The following DPP10 variants were observed in gnomAD, a reference collection of about 807,000 sequenced individuals.
The protein encoded by DPP10 is inactive dipeptidyl peptidase 10.
A neutral mutation model predicts 120.9 loss-of-function variants in DPP10; 33 were observed. The ratio of observed to expected loss-of-function variants is 0.27; its 90% CI spans 0.21 to 0.37. The LOEUF (loss-of-function observed/expected upper bound fraction) is 0.37. DPP10 is among the 10% of genes least tolerant of loss of function. The pLI, the probability that DPP10 is intolerant of heterozygous loss-of-function variation, is 1.00. For missense variants in DPP10, 816 were observed against 942.8 expected, an observed-to-expected ratio of 0.87 and a Z score of 1.76; for synonymous variants, 337 against 326.1, an observed-to-expected ratio of 1.03 and a Z score of -0.36.
chr2:114,570,769 C>A (rs1182068806), intron 1 of DPP10, among the ~76,000 whole-genome samples: 1 of 144,062 alleles, frequency 6.9e-6, no homozygotes, highest in East Asian at 2.1e-4. Context: ...GGAGGCGGAG[C>A]TTGCAGTGAG....
intron 1 of DPP10, among the ~76,000 whole-genome samples, chr2:114,585,699 A>G (rs1002718556): frequency 6.6e-6 from 1 of 152,168 alleles, no homozygotes; most frequent in East Asian, 1.9e-4. Context: ...GGAATCTTCA[A>G]TATTTCAACA....
At chr2:115,732,741 A>T (rs1288700381) in intron 8 of DPP10, among the ~76,000 whole-genome samples, 2 of 152,176 alleles carry the variant, frequency 1.3e-5, no homozygotes. Context: ...ATTTAAGCAT[A>T]TAGAATAATG....
At chr2:115,323,187 A>G (rs2062154777) in intron 2 of DPP10, among the ~76,000 whole-genome samples, 1 of 152,184 alleles carries the variant, frequency 6.6e-6, no homozygotes, top group Non-Finnish European at 1.5e-5. Flanking sequence ...TTTATGTAAT[A>G]TTCGAAATCC....
chr2:115,658,542 G>A (rs542952194), intron 5 of DPP10, among the ~76,000 whole-genome samples: 1 of 151,986 alleles, frequency 6.6e-6, no homozygotes, highest in South Asian at 2.1e-4. Context: ...GTAGGCACTG[G>A]TTGTTATCAA....
intron 1 of DPP10, among the ~76,000 whole-genome samples, chr2:114,493,427 G>A (rs1682177494): frequency 6.6e-6 from 1 of 152,098 alleles, no homozygotes. Flanking sequence ...TGCAGCAGGT[G>A]GCGTCACACA....
intron 19 of DPP10, among the ~76,000 whole-genome samples, chr2:115,792,644 T>C (rs1475762543): frequency 6.6e-6 from 1 of 152,188 alleles, no homozygotes; most frequent in East Asian, 1.9e-4. Flanking sequence ...CTTGTCTTTT[T>C]TACCTAGTTT....
Position 115,842,412 on chromosome 2 carries a change from A to G in DPP10, c.*67A>G, listed in dbSNP as rs1690249349. 18 of 1,532,550 alleles carry G rather than the reference A, an allele frequency of 1.2e-5. No individual in the cohort carries two copies. The East Asian group carries it at 3.7e-4, about 31-fold the overall frequency. The allele number at this position is 1,532,550 out of a possible 1,614,324, so 94.9% of individuals were successfully genotyped here. A position where few individuals can be genotyped will look rare whatever the true frequency, so the allele number is the denominator to read the frequency against. ...AATGAAACCTGACAAAGAGACTGTAATATTGTAGTTGCTCCAGAATGTCAA... is the reference window on the plus strand; with the variant it reads ...AATGAAACCTGACAAAGAGACTGTAGTATTGTAGTTGCTCCAGAATGTCAA... On this transcript the variant is annotated 3_prime_UTR_variant, in exon 26 of 26. Transcript: ENST00000410059.
intron 1 of DPP10, among the ~76,000 whole-genome samples, chr2:114,990,686 C>A (rs57766798): frequency 0.25 from 38,741 of 152,036 alleles, 5,012 homozygotes; most frequent in East Asian, 0.35. Flanking sequence ...TGTGAAGGAA[C>A]CTTGACAGCT....
intron 1 of DPP10, among the ~76,000 whole-genome samples, chr2:114,812,707 C>T (rs569049628): frequency 1.3e-5 from 2 of 151,900 alleles, no homozygotes; most frequent in Non-Finnish European, 2.9e-5. Flanking sequence ...CTTTCACCTC[C>T]ACAGTCTTTT....
intron 5 of DPP10, among the ~76,000 whole-genome samples, chr2:115,600,819 A>G (rs1271222566): frequency 1.3e-5 from 2 of 152,244 alleles, no homozygotes; most frequent in Non-Finnish European, 2.9e-5. Context: ...TTAATAATCT[A>G]TCAGCAGATA....
In DPP10 at chr2:115,530,491, C is replaced by T. The variant is rs1407865162; in HGVS notation, c.441+4519C>T. On this transcript the variant is annotated intron_variant, in intron 5 of 25. Transcript: ENST00000410059. ...AAACAGGAGTTTGAGACCAGCCTGG[C>T]CAACATGGTGAAATGCCATCTCCAC... 2.6e-5 allele frequency among the ~76,000 whole-genome samples: 4 copies of T among 151,900 alleles called. No individual in the cohort carries two copies. In the East Asian group the frequency reaches 5.8e-4, roughly 22 times the overall value.
At chr2:114,716,737 A>G (rs1227495583) in intron 1 of DPP10, among the ~76,000 whole-genome samples, 1 of 152,210 alleles carries the variant, frequency 6.6e-6, no homozygotes, top group Non-Finnish European at 1.5e-5. Context: ...TTAGAAGTGT[A>G]AGGTTGATCT....
chr2:115,446,323 G>A (rs775665262), intron 3 of DPP10, among the ~76,000 whole-genome samples: 2 of 152,202 alleles, frequency 1.3e-5, no homozygotes, highest in African/African-American at 2.4e-5. Flanking sequence ...AGGGAAATGT[G>A]GATTTGGAGC....
At position 115,696,058 on chromosome 2, in the gene DPP10, T is replaced by TA. The variant is rs572645234; in HGVS notation, c.576+6138dup. On this transcript the variant is annotated intron_variant, in intron 7 of 25. Transcript: ENST00000410059. ...TAAGACAAGTGAAATGATTGAGTAT[T>TA]AGGAACATAAAAAATAAAAGACTGA... Among the ~76,000 whole-genome samples, 34 of 151,790 alleles carry TA rather than the reference T, an allele frequency of 2.2e-4. No homozygotes were observed. The South Asian group carries it at 6.5e-3, about 29-fold the overall frequency.
intron 1 of DPP10, among the ~76,000 whole-genome samples, chr2:114,859,753 G>A (rs1053163902): frequency 6.6e-6 from 1 of 152,098 alleles, no homozygotes; most frequent in Non-Finnish European, 1.5e-5. Flanking sequence ...CAGTGATTGT[G>A]GGCATTATTC....
intron 1 of DPP10, among the ~76,000 whole-genome samples, chr2:115,199,701 T>C (rs183116992): frequency 3.9e-5 from 6 of 152,330 alleles, no homozygotes; most frequent in Admixed American, 3.3e-4. Context: ...TTTTTGTTTA[T>C]AGCATGTATC....
chr2:115,557,820 A>T (rs2080311171), intron 5 of DPP10, among the ~76,000 whole-genome samples: 1 of 152,210 alleles, frequency 6.6e-6, no homozygotes, highest in Admixed American at 6.5e-5. Flanking sequence ...ACCTAGGAAG[A>T]CATTTTTCAG....
At chr2:115,730,825 A>C (rs75160382) in intron 8 of DPP10, among the ~76,000 whole-genome samples, 1,772 of 152,308 alleles carry the variant, frequency 0.012, 35 homozygotes, top group African/African-American at 0.038. Context: ...AGGAAAAAGT[A>C]TAGTTTTTGC....
At chr2:115,243,483 C>T (rs987007697) in intron 1 of DPP10, among the ~76,000 whole-genome samples, 25 of 152,102 alleles carry the variant, frequency 1.6e-4, no homozygotes, top group Non-Finnish European at 1.3e-4. Flanking sequence ...TTTATTTTCT[C>T]ACATTTTCAT....
Sources: gnomAD v4.1 joint callset for allele counts (sites outside exome capture counted in the v4.1 genomes callset) on GRCh38, gnomAD v4.1.1 for gene constraint, MANE v1.5 for transcripts, NCBI Gene and HGNC (gene_info 2026-07-23, HGNC 2026-07-21) for gene names.